CAPRIN2: variants seen among roughly 807,000 people sequenced by gnomAD.
CAPRIN2 encodes caprin-2.
In CAPRIN2, 66 loss-of-function variants were observed where a neutral mutation model predicts 130.4. The ratio of observed to expected loss-of-function variants is 0.51; its 90% CI spans 0.42 to 0.62. The LOEUF is 0.62. Ranked by LOEUF, CAPRIN2 falls within the 20% of genes least tolerant of loss-of-function variation. The pLI, the probability that CAPRIN2 is intolerant of heterozygous loss-of-function variation, is 0.00. For synonymous variants in CAPRIN2, 471 were observed against 444.1 expected (o/e 1.06, Z -0.76); for missense variants, 1,185 against 1,246.6 (o/e 0.95, Z 0.74).
chr12:30,713,682 T>C, intron 15 of CAPRIN2, 103 bp downstream of exon 17: 1 of 651,156 alleles, frequency 1.5e-6, no homozygotes, highest in Non-Finnish European at 2.7e-6. Flanking sequence ...AAACTAAGAG[T>C]GCACTTTCAG....
At chr12:30,729,401 T>G (rs571661591) in intron 7 of CAPRIN2, 76 bp from the exon 9 acceptor site, 6 of 1,020,810 alleles carry the variant, frequency 5.9e-6, no homozygotes, top group Non-Finnish European at 8.6e-6. Context: ...TCTATTAGTA[T>G]TGCTATGTCC....
chr12:30,722,920 C>T (rs530048052), intron 11 of CAPRIN2, among the ~76,000 whole-genome samples: 1 of 152,150 alleles, frequency 6.6e-6, no homozygotes, highest in South Asian at 2.1e-4. Flanking sequence ...ACAACAACAA[C>T]AAAAATTAAT....
intron 2 of CAPRIN2, among the ~76,000 whole-genome samples, chr12:30,741,660 G>A (rs578075053): frequency 6.6e-6 from 1 of 152,066 alleles, no homozygotes; most frequent in African/African-American, 2.4e-5. Context: ...AAAGAGGGGG[G>A]CATTTCATGG....
At chr12:30,754,770 C>CGCCGCT (rs922165916), upstream of CAPRIN2, 1 of 153,002 alleles carries the variant, frequency 6.5e-6, no homozygotes, top group African/African-American at 2.4e-5. Context: ...CAGCCGAGGC[C>CGCCGCT]GCCGCTGCCG....
chr12:30,715,127 C>G, exon 14 of CAPRIN2: 1 of 1,613,834 alleles, frequency 6.2e-7, no homozygotes, highest in Admixed American at 1.7e-5. Flanking sequence ...ATAGTTCCAT[C>G]AGGATGATAA....
intron 8 of CAPRIN2, among the ~76,000 whole-genome samples, chr12:30,727,032 A>C (rs569416441): frequency 1.3e-5 from 2 of 152,174 alleles, no homozygotes; most frequent in East Asian, 3.8e-4. Flanking sequence ...AGCAAATTAA[A>C]TATGTTTTGA....
intron 6 of CAPRIN2, 86 bp from the exon 8 acceptor site, chr12:30,730,368 T>A: frequency 1.1e-6 from 1 of 944,894 alleles, no homozygotes; most frequent in Non-Finnish European, 1.7e-6. Context: ...TCTAGCAACA[T>A]ATTTCAGAAG....
rs758682420 is a variant in CAPRIN2 at position 30,733,762 on chromosome 12, T to C, written c.810-51A>G. On this transcript the variant is annotated intron_variant, in intron 4 of 16. Coordinates refer to ENST00000298892, the Ensembl canonical transcript of CAPRIN2. Reference sequence around the variant, plus strand: ...CAAAGTGGCTTTAGAAGTACATATATATGGAGCAGCACAATTTATGCAATA... The same window carrying C: ...CAAAGTGGCTTTAGAAGTACATATACATGGAGCAGCACAATTTATGCAATA... 2.3e-5 allele frequency: 27 copies of C among 1,183,186 alleles called. 1 individual carries two copies. Among genetic ancestry groups the C allele is most frequent in the Admixed American group, 3.4e-5 (2 of 59,292 alleles). The allele number at this position is 1,183,186 out of a possible 1,614,324, so 73.3% of individuals were successfully genotyped here. A position where few individuals can be genotyped will look rare whatever the true frequency, so the allele number is the denominator to read the frequency against.
At chr12:30,720,622 T>G (rs556433438) in intron 12 of CAPRIN2, 189 bp downstream of exon 13, 2 of 498,450 alleles carry the variant, frequency 4.0e-6, no homozygotes, top group Non-Finnish European at 7.2e-6. Context: ...CCATATTAAA[T>G]CTATTTATAT....
rs1417604510 is a variant in CAPRIN2, at chr12:30,751,068, T to C, written c.483+3A>G. 1 of 1,611,672 alleles carries C rather than the reference T, an allele frequency of 6.2e-7. No individual in the cohort carries two copies. The highest frequency in any genetic ancestry group is 8.5e-7 in the Non-Finnish European group (1 of 1,177,802). ...TCTTACTAAAAGATCATAAGCCACT[T>C]ACCAACTGGTCTGGATTAAGATGCT... On this transcript the variant is annotated splice_donor_region_variant and intron_variant, in intron 2 of 16. Coordinates refer to ENST00000298892, the Ensembl canonical transcript of CAPRIN2.
chr12:30,716,583 C>T, exon 13 of CAPRIN2: 3 of 1,613,920 alleles, frequency 1.9e-6, no homozygotes, highest in Non-Finnish European at 2.5e-6. Context: ...TGTGTACTTG[C>T]TGTGGTAAAA....
rs2062644333 is a variant in CAPRIN2, at chr12:30,731,429, T to C, written c.974A>G (p.Glu325Gly). ...TTCTTCCTCCAGTGGTACTTCCTTT[T>C]CCTTGGCATTTTTGGGAACTGGGAT... Residue 325 changes from glutamate to glycine, a missense_variant, in exon 6 of 17, where the codon GAA becomes GGA. By Grantham distance (98) the Glu-to-Gly change is moderately conservative (BLOSUM62 -2). Transcript: ENST00000298892. 1 of 1,613,114 alleles carries C rather than the reference T, an allele frequency of 6.2e-7. No individual in the cohort carries two copies. Among genetic ancestry groups the C allele is most frequent in the African/African-American group, 1.3e-5 (1 of 74,882 alleles).
At chr12:30,713,966 A>AAAGTT (rs1591923260) in intron 14 of CAPRIN2, 81 bp from the exon 17 acceptor site, 1 of 752,866 alleles carries the variant, frequency 1.3e-6, no homozygotes, top group East Asian at 2.6e-5. Flanking sequence ...TATTGCTTTA[A>AAAGTT]AAGTTAAATT....
At chr12:30,752,799 G>A (rs1441523963) in intron 1 of CAPRIN2, among the ~76,000 whole-genome samples, 1 of 152,160 alleles carries the variant, frequency 6.6e-6, no homozygotes, top group African/African-American at 2.4e-5. Context: ...AATGAAGAAG[G>A]ATTTAGATCT....
In CAPRIN2 at chr12:30,726,088, C is replaced by T. The variant is rs367554320; in HGVS notation, c.1783G>A (p.Val595Met). The change falls in exon 9 of 17, where the codon GTG becomes ATG. Residue 595 changes from valine to methionine, a missense_variant and splice_region_variant. Around this residue, in one of 2 missense-constraint regions of CAPRIN2, gnomAD observed 1,104 missense variants for 1,104.3 expected, o/e 1.00. Transcript: ENST00000298892. ...ACAGGCTGATGCACAGGCTTAGGCA[C>T]CTACAAGATAAACCCATAATGTGTA... The T allele has an allele frequency of 3.6e-5, 55 of 1,521,894 alleles. No individual in the cohort carries two copies. The Middle Eastern group carries it at 5.2e-4, about 14-fold the overall frequency. The allele number at this position is 1,521,894 out of a possible 1,614,324, so 94.3% of individuals were successfully genotyped here. A position where few individuals can be genotyped will look rare whatever the true frequency, so the allele number is the denominator to read the frequency against.
chr12:30,754,793 G>C (rs549524758), upstream of CAPRIN2: 42 of 152,308 alleles, frequency 2.8e-4, no homozygotes, highest in African/African-American at 9.6e-4. Context: ...GCCCGGGCCC[G>C]CCTTCCAAAG....
chr12:30,727,410 C>T (rs1479209802), intron 8 of CAPRIN2, among the ~76,000 whole-genome samples: 1 of 152,072 alleles, frequency 6.6e-6, no homozygotes, highest in Non-Finnish European at 1.5e-5. Context: ...GCTTTGCTTT[C>T]CCCAAGCAAA....
At chr12:30,726,041 C>A in exon 9 of CAPRIN2, 1 of 1,596,662 alleles carries the variant, frequency 6.3e-7, no homozygotes, top group Non-Finnish European at 8.5e-7. Flanking sequence ...CTGGATCCTT[C>A]GGAAGGGTAG....
exon 8 of CAPRIN2, chr12:30,728,969 T>C: frequency 1.9e-6 from 3 of 1,614,190 alleles, no homozygotes; most frequent in African/African-American, 1.3e-5. Context: ...GTTTCTTTTG[T>C]TCCTCTTGAA....
Sources: gnomAD v4.1 joint callset for allele counts (sites outside exome capture counted in the v4.1 genomes callset) on GRCh38, gnomAD v4.1.1 for gene constraint, gnomAD v4.1.1 regional missense constraint, MANE v1.5 for transcripts, NCBI Gene and HGNC (gene_info 2026-07-23, HGNC 2026-07-21) for gene names.